TTC6: variants seen among roughly 807,000 people sequenced by gnomAD.
The protein encoded by TTC6 is tetratricopeptide repeat protein 6.
Under a neutral mutation model 210.4 loss-of-function variants are expected in TTC6, and 172 were observed. The ratio of observed to expected loss-of-function variants is 0.82; its 90% CI spans 0.72 to 0.93. The LOEUF (loss-of-function observed/expected upper bound fraction) is 0.93. Ranked by LOEUF, TTC6 falls within the 40% of genes least tolerant of loss-of-function variation. TTC6 has a pLI of 0.00. For synonymous variants in TTC6, 804 were observed against 819.6 expected (o/e 0.98, Z 0.32); for missense variants, 2,414 against 2,318.1 (o/e 1.04, Z -0.85).
In TTC6 at chr14:37,716,636, G is replaced by C. The variant is rs182770624; in HGVS notation, c.1713+1840G>C. On this transcript the variant is annotated intron_variant, in intron 6 of 30. Transcript: ENST00000553443. ...GTCAGCACATCAAGAAGACATGCCA[G>C]TCTTAAAAAATATATGCATCAGACA... Among the ~76,000 whole-genome samples, 270 of 152,228 alleles carry C rather than the reference G, an allele frequency of 1.8e-3. 6 individuals are homozygous for C. In the East Asian group the frequency reaches 0.037, roughly 21 times the overall value.
chr14:37,666,614 C>T (rs1449541724), intron 1 of TTC6, among the ~76,000 whole-genome samples: 1 of 150,312 alleles, frequency 6.7e-6, no homozygotes, highest in Non-Finnish European at 1.5e-5. Flanking sequence ...TCAAACTGCC[C>T]ATTAACTCCC....
chr14:37,701,091 G>A (rs1210112073), intron 4 of TTC6, among the ~76,000 whole-genome samples: 3 of 152,114 alleles, frequency 2.0e-5, no homozygotes, highest in African/African-American at 4.8e-5. Context: ...CCTGTAGACT[G>A]TTGTCTGTAG....
At chr14:37,753,308 C>G in intron 14 of TTC6, 73 bp downstream of exon 16, 1 of 1,276,902 alleles carries the variant, frequency 7.8e-7, no homozygotes, top group Non-Finnish European at 1.1e-6. Flanking sequence ...CAGAAAATTG[C>G]TTGAAATACA....
intron 14 of TTC6, among the ~76,000 whole-genome samples, chr14:37,766,743 G>A (rs2096000685): frequency 6.6e-6 from 1 of 151,980 alleles, no homozygotes. Flanking sequence ...GTGATTGCTG[G>A]GTTGAATGGT....
At chr14:37,713,334 C>T (rs758204167) in intron 5 of TTC6, among the ~76,000 whole-genome samples, 4 of 152,100 alleles carry the variant, frequency 2.6e-5, no homozygotes, top group African/African-American at 4.8e-5. Flanking sequence ...ACCTCCACCC[C>T]GAGTTAAAAC....
intron 14 of TTC6, among the ~76,000 whole-genome samples, chr14:37,774,775 C>T (rs1045604725): frequency 3.3e-5 from 5 of 152,120 alleles, no homozygotes; most frequent in African/African-American, 1.2e-4. Flanking sequence ...AGAGGCTTCT[C>T]CTCTTCAATA....
chr14:37,819,985 A>G (rs2096151726), intron 26 of TTC6, among the ~76,000 whole-genome samples: 2 of 152,316 alleles, frequency 1.3e-5, no homozygotes, highest in Admixed American at 1.3e-4. Flanking sequence ...CATTTAACAT[A>G]CTTTTACACT....
At chr14:37,608,374 A>T (rs144050637) in intron 2 of TTC6, among the ~76,000 whole-genome samples, 2,592 of 152,018 alleles carry the variant, frequency 0.017, 29 homozygotes, top group Non-Finnish European at 0.028. Flanking sequence ...CAGTGATAAG[A>T]TCCTGGCTCA....
chr14:37,674,690 A>T (rs1276007259), intron 1 of TTC6, among the ~76,000 whole-genome samples: 1 of 152,130 alleles, frequency 6.6e-6, no homozygotes, highest in Non-Finnish European at 1.5e-5. Context: ...TACCATGAAG[A>T]TCATTGTATG....
chr14:37,634,790 A>G (rs2139357886), intron 1 of TTC6, among the ~76,000 whole-genome samples: 1 of 152,344 alleles, frequency 6.6e-6, no homozygotes, highest in Non-Finnish European at 1.5e-5. Flanking sequence ...TTTCTCATTG[A>G]AAACTATTAT....
At chr14:37,678,562 T>A (rs1382525863) in intron 1 of TTC6, among the ~76,000 whole-genome samples, 1 of 152,206 alleles carries the variant, frequency 6.6e-6, no homozygotes, top group Non-Finnish European at 1.5e-5. Flanking sequence ...TCCTCTCATC[T>A]GATTTCTGTC....
At chr14:37,651,455 C>T (rs867006389) in intron 1 of TTC6, among the ~76,000 whole-genome samples, 4 of 37,746 alleles carry the variant, frequency 1.1e-4, no homozygotes, top group African/African-American at 1.4e-4. Flanking sequence ...TTTTTTTTTC[C>T]ATCCATGATT....
chr14:37,618,735 T>C (rs1300022503), upstream of TTC6, among the ~76,000 whole-genome samples: 1 of 152,182 alleles, frequency 6.6e-6, no homozygotes, highest in Admixed American at 6.6e-5. Context: ...AATTTAGAAG[T>C]TCTATTTCCT....
exon 26 of TTC6, chr14:37,817,599 A>G (rs776250808): frequency 1.2e-6 from 2 of 1,614,070 alleles, no homozygotes; most frequent in South Asian, 2.2e-5. Flanking sequence ...AGCTGCACTG[A>G]TAAGCCGGAC....
intron 16 of TTC6, 95 bp downstream of exon 18, chr14:37,790,932 ACCT>A: frequency 9.3e-7 from 1 of 1,078,874 alleles, no homozygotes; most frequent in Non-Finnish European, 1.3e-6. Context: ...ATCATTGATA[ACCT>A]AGAAAAAATG....
At chr14:37,829,468 T>C (rs748943833) in intron 29 of TTC6, among the ~76,000 whole-genome samples, 11 of 152,064 alleles carry the variant, frequency 7.2e-5, no homozygotes, top group Admixed American at 2.6e-4. Flanking sequence ...TAGTTTAGTT[T>C]CTCTACTATG....
At chr14:37,769,923 T>C (rs1285552056) in intron 14 of TTC6, among the ~76,000 whole-genome samples, 2 of 151,840 alleles carry the variant, frequency 1.3e-5, no homozygotes, top group Middle Eastern at 3.4e-3. Context: ...CTTTCCTGCT[T>C]TCTCTTGTGG....
intron 14 of TTC6, among the ~76,000 whole-genome samples, chr14:37,787,115 C>G (rs1347479012): frequency 6.6e-6 from 1 of 152,046 alleles, no homozygotes; most frequent in African/African-American, 2.4e-5. Flanking sequence ...TTCTAGGAAG[C>G]AATTTTGTAT....
At chr14:37,823,777 C>A in exon 27 of TTC6, 1 of 1,613,718 alleles carries the variant, frequency 6.2e-7, no homozygotes, top group East Asian at 2.2e-5. Flanking sequence ...CTGTCAATTT[C>A]TTTACTTGGG....
Sources: allele counts gnomAD v4.1 joint callset (sites outside exome capture counted in the v4.1 genomes callset), GRCh38; gene constraint gnomAD v4.1.1; transcripts MANE v1.5; gene names NCBI Gene and HGNC (gene_info 2026-07-23, HGNC 2026-07-21).